Variants in RASGRF1 observed in about 807,000 individuals in gnomAD.
RASGRF1 encodes the protein Ras protein specific guanine nucleotide releasing factor 1.
A neutral mutation model predicts 138.7 loss-of-function variants in RASGRF1; 40 were observed. The observed-to-expected ratio is 0.29, with a 90% CI of 0.22 to 0.38. RASGRF1 has a LOEUF of 0.38. Ranked by LOEUF, RASGRF1 falls within the 10% of genes least tolerant of loss-of-function variation. The pLI, the probability that RASGRF1 is intolerant of heterozygous loss-of-function variation, is 1.00. For synonymous variants in RASGRF1, 614 were observed against 663.2 expected (o/e 0.93, Z 1.14); for missense variants, 1,108 against 1,650.4 (o/e 0.67, Z 5.69).
chr15:78,993,372 AGTGTGTGTGTGTGGGT>A (rs2056321830), intron 20 of RASGRF1, among the ~76,000 whole-genome samples: 1 of 127,614 alleles, frequency 7.8e-6, no homozygotes. Flanking sequence ...TGGTGTGTGT[AGTGTGTGTGTGTGGGT>A]GTGTGTGTGT....
At position 79,046,647 on chromosome 15, in the gene RASGRF1, C is replaced by T; in HGVS notation, c.878+99G>A. Reference sequence around the variant, plus strand: ...TTCTGTCCTCTCTGGGCCTCATCTGCACTCGGTGGGAACCACGTGAGAGAG... The same window carrying T: ...TTCTGTCCTCTCTGGGCCTCATCTGTACTCGGTGGGAACCACGTGAGAGAG... On this transcript the variant is annotated intron_variant, in intron 5 of 26. Transcript: ENST00000558480. The surrounding 1 kb of genome is among the most constrained non-coding windows in gnomAD (Gnocchi z 5.3). The T allele has an allele frequency of 1.3e-6, 2 of 1,551,110 alleles. No individual in the cohort carries two copies. The highest frequency in any genetic ancestry group is 1.7e-4 in the Middle Eastern group (1 of 5,812).
At chr15:78,967,894 C>T (rs1191581350) in intron 26 of RASGRF1, among the ~76,000 whole-genome samples, 1 of 152,150 alleles carries the variant, frequency 6.6e-6, no homozygotes, top group Non-Finnish European at 1.5e-5. Context: ...ATAACCATAA[C>T]ATCATTATAC....
At chr15:79,068,013 A>C (rs1247319000) in intron 1 of RASGRF1, among the ~76,000 whole-genome samples, 1 of 152,164 alleles carries the variant, frequency 6.6e-6, no homozygotes, top group Non-Finnish European at 1.5e-5. Flanking sequence ...CCTAAAACAC[A>C]ACCAGTGGTG....
chr15:79,001,983 G>C (rs890004077), intron 15 of RASGRF1, among the ~76,000 whole-genome samples, 196 bp from the exon 16 acceptor site: 2 of 152,142 alleles, frequency 1.3e-5, no homozygotes, highest in Non-Finnish European at 2.9e-5. Flanking sequence ...GAGCACTGTC[G>C]ATCTCCAAGG....
intron 1 of RASGRF1, among the ~76,000 whole-genome samples, chr15:79,068,720 T>C (rs1020802105): frequency 2.0e-5 from 3 of 152,098 alleles, no homozygotes; most frequent in African/African-American, 7.2e-5. Flanking sequence ...TTCCCTGCAC[T>C]TCTGGATAGG....
At chr15:79,026,083 T>C (rs1279925765) in intron 9 of RASGRF1, among the ~76,000 whole-genome samples, 1 of 152,162 alleles carries the variant, frequency 6.6e-6, no homozygotes, top group Non-Finnish European at 1.5e-5. Context: ...AGTAGGTGCC[T>C]GTCATGAAAG....
At chr15:79,085,601 G>A (rs1422478285) in intron 1 of RASGRF1, among the ~76,000 whole-genome samples, 1 of 152,128 alleles carries the variant, frequency 6.6e-6, no homozygotes, top group African/African-American at 2.4e-5. Flanking sequence ...AGGAGTATGT[G>A]CTTTATGGTG....
At chr15:79,087,714 C>A (rs148707352) in intron 1 of RASGRF1, among the ~76,000 whole-genome samples, 1 of 152,200 alleles carries the variant, frequency 6.6e-6, no homozygotes. Context: ...CTGGCACCAT[C>A]GATTTTACTC....
intron 13 of RASGRF1, among the ~76,000 whole-genome samples, chr15:79,007,861 TTTTC>T (rs1411658549): frequency 2.0e-5 from 3 of 149,252 alleles, no homozygotes; most frequent in Admixed American, 6.7e-5. Flanking sequence ...ACTATCTAGT[TTTTC>T]TTTTTTTTTT....
intron 16 of RASGRF1, among the ~76,000 whole-genome samples, chr15:79,001,153 C>G (rs759863395): frequency 1.6e-4 from 25 of 152,188 alleles, no homozygotes; most frequent in Non-Finnish European, 3.4e-4. Flanking sequence ...AGTCTTTCCC[C>G]TTATTTGAAA....
intron 10 of RASGRF1, 57 bp downstream of exon 10, chr15:79,025,257 C>A: frequency 6.6e-7 from 1 of 1,522,928 alleles, no homozygotes; most frequent in Admixed American, 2.1e-5. Flanking sequence ...CTGGCCAGGA[C>A]AGCGCCTGCA....
chr15:79,003,683 A>G, intron 15 of RASGRF1, 119 bp downstream of exon 15: 1 of 1,446,716 alleles, frequency 6.9e-7, no homozygotes, highest in South Asian at 1.4e-5. Flanking sequence ...GGGACCCCCA[A>G]GCCTCTCCCT....
chr15:79,011,823 G>A (rs569801798), intron 13 of RASGRF1, among the ~76,000 whole-genome samples: 8 of 152,202 alleles, frequency 5.3e-5, no homozygotes, highest in Admixed American at 3.3e-4. Flanking sequence ...CTATCTCATC[G>A]CCTTTCCCTG....
chr15:79,027,058 T>C lies in RASGRF1; in HGVS notation c.1381+683A>G, dbSNP rs1456172908. Among the ~76,000 whole-genome samples the C allele has an allele frequency of 1.3e-5, 2 of 152,120 alleles. No homozygotes were observed. The highest frequency in any genetic ancestry group is 1.9e-4 in the East Asian group (1 of 5,194). Reference sequence around the variant, plus strand: ...CAGAGAAGGGACTCTGGAGGTCCGTTTGAGGTGGAGGTCACCTGTGAGGCA... The same window carrying C: ...CAGAGAAGGGACTCTGGAGGTCCGTCTGAGGTGGAGGTCACCTGTGAGGCA... On this transcript the variant is annotated intron_variant, in intron 9 of 26. Coordinates refer to ENST00000558480, the MANE Select transcript of RASGRF1 (RefSeq NM_001145648.3). The surrounding 1 kb of genome is among the most constrained non-coding windows in gnomAD (Gnocchi z 4.8).
chr15:79,062,621 G>A (rs1282789239), intron 2 of RASGRF1, among the ~76,000 whole-genome samples: 3 of 151,912 alleles, frequency 2.0e-5, no homozygotes, highest in Admixed American at 2.0e-4. Flanking sequence ...TGCAACTTCC[G>A]CCTCCCTGGT....
At chr15:79,003,132 C>G (rs1009533602) in intron 15 of RASGRF1, among the ~76,000 whole-genome samples, 1 of 152,252 alleles carries the variant, frequency 6.6e-6, no homozygotes, top group Non-Finnish European at 1.5e-5. Flanking sequence ...CCAGGTCTGC[C>G]TGGCGTCCAG....
chr15:79,064,549 C>G (rs2057650823), intron 1 of RASGRF1, 23 bp from the exon 2 acceptor site: 2 of 1,606,460 alleles, frequency 1.2e-6, no homozygotes, highest in South Asian at 2.2e-5. Flanking sequence ...GAAGACATCT[C>G]CAATTACCAG....
At chr15:79,033,585 T>TTTTC (rs1555458499) in intron 6 of RASGRF1, among the ~76,000 whole-genome samples, 11 of 133,196 alleles carry the variant, frequency 8.3e-5, no homozygotes, top group African/African-American at 3.1e-4. Context: ...TCTTTTCTTT[T>TTTTC]TTTTTTTTTT....
At position 79,046,166 on chromosome 15, in the gene RASGRF1, T is replaced by C. The variant is rs2057351924; in HGVS notation, c.878+580A>G. 6.6e-6 allele frequency among the ~76,000 whole-genome samples: 1 copy of C among 152,172 alleles called. No individual in the cohort carries two copies. The highest frequency in any genetic ancestry group is 1.5e-5 in the Non-Finnish European group (1 of 68,032). On this transcript the variant is annotated intron_variant, in intron 5 of 26. Transcript: ENST00000558480. This position sits in a 1 kb window ranked among gnomAD's most constrained non-coding sequence, Gnocchi z 5.3. Reference sequence around the variant, plus strand: ...TTCTTTGTAAGACATGTGGGTAGCGTGGTCCACAGCAGAACTCTAAGGCAC... The same window carrying C: ...TTCTTTGTAAGACATGTGGGTAGCGCGGTCCACAGCAGAACTCTAAGGCAC...
Sources: allele counts gnomAD v4.1 joint callset (sites outside exome capture counted in the v4.1 genomes callset), GRCh38; gene constraint gnomAD v4.1.1; non-coding constraint Gnocchi (gnomAD v3.1); transcripts MANE v1.5; gene names NCBI Gene and HGNC (gene_info 2026-07-23, HGNC 2026-07-21).